The following INVS variants were observed in gnomAD, a reference collection of about 807,000 sequenced individuals.
INVS encodes inversion of embryo turning homolog.
Under a neutral mutation model 108.8 loss-of-function variants are expected in INVS, and 86 were observed. The observed-to-expected ratio is 0.79, with a 90% CI of 0.66 to 0.95. INVS has a LOEUF of 0.95. Ranked by LOEUF, INVS falls within the 40% of genes least tolerant of loss-of-function variation. INVS has a pLI of 0.00. For missense variants in INVS, 1,169 were observed against 1,297.4 expected (o/e 0.90, Z 1.52); for synonymous variants, 455 against 473.5 (o/e 0.96, Z 0.51).
intron 3 of INVS, among the ~76,000 whole-genome samples, chr9:100,173,410 T>C (rs919023372): frequency 2.0e-5 from 3 of 152,076 alleles, no homozygotes; most frequent in African/African-American, 7.2e-5. Flanking sequence ...AGGACAGCAT[T>C]TGGGGCAATG....
chr9:100,293,363 G>GC (rs967149430), intron 14 of INVS, among the ~76,000 whole-genome samples: 1 of 152,126 alleles, frequency 6.6e-6, no homozygotes, highest in African/African-American at 2.4e-5. Flanking sequence ...AAATCACATG[G>GC]CCCCCCTGAC....
chr9:100,254,650 C>T (rs1434278555), intron 10 of INVS, among the ~76,000 whole-genome samples: 1 of 152,172 alleles, frequency 6.6e-6, no homozygotes, highest in African/African-American at 2.4e-5. Context: ...GCCAGTTTTC[C>T]CAGCACTGTT....
At chr9:100,247,096 A>C (rs1832069708) in intron 8 of INVS, among the ~76,000 whole-genome samples, 1 of 152,020 alleles carries the variant, frequency 6.6e-6, no homozygotes, top group Admixed American at 6.5e-5. Context: ...AAAAAAAAAA[A>C]ACCTACACTT....
At chr9:100,186,924 T>C (rs1281061721) in intron 3 of INVS, among the ~76,000 whole-genome samples, 14 of 152,082 alleles carry the variant, frequency 9.2e-5, no homozygotes, top group Admixed American at 9.2e-4. Context: ...TAGTCATAAA[T>C]TTTTGCCTAG....
At chr9:100,100,579 TAA>T (rs1270119044) in intron 1 of INVS, among the ~76,000 whole-genome samples, 1 of 100,238 alleles carries the variant, frequency 1.0e-5, no homozygotes, top group Non-Finnish European at 1.9e-5. Flanking sequence ...TATATATATA[TAA>T]TATATATAAT....
chr9:100,104,766 T>G, intron 2 of INVS, 139 bp downstream of exon 2: 1 of 716,842 alleles, frequency 1.4e-6, no homozygotes, highest in South Asian at 1.5e-5. Flanking sequence ...TTCCAACACA[T>G]GAACAAGAAA....
intron 6 of INVS, among the ~76,000 whole-genome samples, chr9:100,242,076 G>A (rs1414695333): frequency 6.6e-6 from 1 of 152,134 alleles, no homozygotes; most frequent in Admixed American, 6.6e-5. Flanking sequence ...AAAGATTGTG[G>A]AAAGGAGAAT....
chr9:100,227,500 T>A (rs1313582504), intron 4 of INVS, among the ~76,000 whole-genome samples: 1 of 145,242 alleles, frequency 6.9e-6, no homozygotes, highest in East Asian at 1.9e-4. Context: ...TCTTATAGAA[T>A]TATGTTGACG....
At chr9:100,132,842 C>T (rs554371323) in intron 3 of INVS, among the ~76,000 whole-genome samples, 15 of 152,158 alleles carry the variant, frequency 9.9e-5, no homozygotes, top group Middle Eastern at 3.4e-3. Context: ...CCATGGCTCA[C>T]GCCTGTAATC....
chr9:100,100,979 A>G (rs1345021711), intron 1 of INVS, among the ~76,000 whole-genome samples: 1 of 80,428 alleles, frequency 1.2e-5, no homozygotes, highest in African/African-American at 6.0e-5. Flanking sequence ...TATATTATAT[A>G]TATAATATAT....
intron 10 of INVS, among the ~76,000 whole-genome samples, chr9:100,259,122 G>A (rs1463750268): frequency 1.3e-5 from 2 of 152,132 alleles, no homozygotes; most frequent in South Asian, 2.1e-4. Flanking sequence ...CAGCAATGGC[G>A]GACGCCCCTC....
chr9:100,177,262 G>A (rs968680671), intron 3 of INVS, among the ~76,000 whole-genome samples: 4 of 152,186 alleles, frequency 2.6e-5, no homozygotes, highest in African/African-American at 9.6e-5. Context: ...GCCTGGGAAT[G>A]TCAGCGAGAG....
rs375329339 is a variant in INVS at position 100,119,698 on chromosome 9, C to T, written c.107-6685C>T. On this transcript the variant is annotated intron_variant, in intron 2 of 16. Coordinates refer to ENST00000262457, the MANE Select transcript of INVS (RefSeq NM_014425.5). ...GCAGGCTCCCGAGTAGCTGGGACTA[C>T]AGGCGCCCGCCACCACACCTGGCTG... Among the ~76,000 whole-genome samples the T allele has an allele frequency of 7.3e-4, 111 of 152,312 alleles. 1 individual carries two copies. The Middle Eastern group carries it at 0.024, about 33-fold the overall frequency.
chr9:100,287,775 TTTC>T (rs1833491779), intron 13 of INVS, among the ~76,000 whole-genome samples: 1 of 152,192 alleles, frequency 6.6e-6, no homozygotes, highest in African/African-American at 2.4e-5. Context: ...TTAAACCTCT[TTTC>T]TTTATAAATT....
At chr9:100,240,359 A>G (rs1831828237) in intron 6 of INVS, 119 bp downstream of exon 6, 1 of 717,518 alleles carries the variant, frequency 1.4e-6, no homozygotes. Flanking sequence ...TCTAACTGAT[A>G]TGTTGCATTG....
intron 3 of INVS, among the ~76,000 whole-genome samples, chr9:100,153,758 G>C (rs1828880825): frequency 6.6e-6 from 1 of 152,192 alleles, no homozygotes; most frequent in African/African-American, 2.4e-5. Flanking sequence ...TTCCACAGTG[G>C]AAAGCAGAAG....
At chr9:100,151,853 C>T (rs889724688) in intron 3 of INVS, among the ~76,000 whole-genome samples, 4 of 152,128 alleles carry the variant, frequency 2.6e-5, no homozygotes, top group African/African-American at 9.7e-5. Context: ...GAATACAATG[C>T]CAGTCTGATG....
At chr9:100,198,606 T>G in intron 3 of INVS, among the ~76,000 whole-genome samples, 1 of 150,406 alleles carries the variant, frequency 6.6e-6, no homozygotes, top group Admixed American at 6.6e-5. Context: ...GGCATTTTTT[T>G]TTTTGGAGAC....
chr9:100,184,717 G>A (rs2119084245), intron 3 of INVS, among the ~76,000 whole-genome samples: 1 of 152,150 alleles, frequency 6.6e-6, no homozygotes, highest in South Asian at 2.1e-4. Flanking sequence ...ACAAAAAAAT[G>A]CATGTGGGGG....
Sources: allele counts gnomAD v4.1 joint callset (sites outside exome capture counted in the v4.1 genomes callset), GRCh38; gene constraint gnomAD v4.1.1; transcripts MANE v1.5; gene names NCBI Gene and HGNC (gene_info 2026-07-23, HGNC 2026-07-21).